DGKI: variants seen among roughly 807,000 people sequenced by gnomAD.
The protein encoded by DGKI is diacylglycerol kinase iota.
A neutral mutation model predicts 147.5 loss-of-function variants in DGKI; 55 were observed. The ratio of observed to expected loss-of-function variants is 0.37; its 90% confidence interval spans 0.30 to 0.47. The LOEUF (loss-of-function observed/expected upper bound fraction) is 0.47. Among genes scored for constraint, DGKI ranks in the 20% least tolerant of loss-of-function variants. The probability of loss-of-function intolerance (pLI) is 1.00; values close to 1 mark genes in which losing one functional copy is unlikely to be tolerated. For missense variants in DGKI, 1,007 were observed against 1,323.8 expected (o/e 0.76, Z 3.71); for synonymous variants, 469 against 477.1 (o/e 0.98, Z 0.22).
intron 28 of DGKI, among the ~76,000 whole-genome samples, chr7:137,429,673 C>T (rs1421547275): frequency 6.6e-6 from 1 of 150,828 alleles, no homozygotes; most frequent in Non-Finnish European, 1.5e-5. Flanking sequence ...GGGCTAATAT[C>T]CAGAATCTAC....
At chr7:137,815,871 T>C (rs1285015435) in intron 1 of DGKI, among the ~76,000 whole-genome samples, 1 of 152,232 alleles carries the variant, frequency 6.6e-6, no homozygotes, top group Non-Finnish European at 1.5e-5. Flanking sequence ...ATTTTCATTA[T>C]GGGTACCCTT....
intron 28 of DGKI, among the ~76,000 whole-genome samples, chr7:137,416,051 GA>G (rs1812348325): frequency 6.6e-6 from 1 of 151,998 alleles, no homozygotes; most frequent in African/African-American, 2.4e-5. Context: ...AGACTGTATT[GA>G]AACATTTCTC....
intron 21 of DGKI, among the ~76,000 whole-genome samples, chr7:137,494,204 C>A (rs1815878854): frequency 6.6e-6 from 1 of 151,998 alleles, no homozygotes; most frequent in Non-Finnish European, 1.5e-5. Context: ...TATCAGCATC[C>A]CTGAAAGAGA....
intron 1 of DGKI, among the ~76,000 whole-genome samples, chr7:137,778,436 T>A (rs528912453): frequency 1.5e-4 from 23 of 152,116 alleles, no homozygotes; most frequent in Non-Finnish European, 2.8e-4. Flanking sequence ...AATGGTTTGC[T>A]TGGGTTTGCT....
intron 1 of DGKI, among the ~76,000 whole-genome samples, chr7:137,838,061 GGCTTGATCTCA>G (rs1478712928): frequency 6.9e-6 from 1 of 145,154 alleles, no homozygotes; most frequent in Non-Finnish European, 1.5e-5. Flanking sequence ...GGAGTGCAGT[GGCTTGATCTCA>G]GCTCACTGCA....
Position 137,390,868 on chromosome 7 carries a change from G to A in DGKI, c.*352C>T. On this transcript the variant is annotated 3_prime_UTR_variant, in exon 33 of 33. Coordinates refer to ENST00000614521, the MANE Select transcript of DGKI (RefSeq NM_001321708.2). Reference sequence around the variant, plus strand: ...TACAGGGAAAAAAACCAATGCATAGGGGGAGGATGGAGCAGTGCCATTTAT... The same window carrying A: ...TACAGGGAAAAAAACCAATGCATAGAGGGAGGATGGAGCAGTGCCATTTAT... 1 of 254,912 alleles carries A rather than the reference G, an allele frequency of 3.9e-6. No individual in the cohort carries two copies. The highest frequency in any genetic ancestry group is 7.6e-6 in the Non-Finnish European group (1 of 131,540). 15.8% of individuals were successfully genotyped at this position (254,912 alleles called of 1,614,324 possible). A position where few individuals can be genotyped will look rare whatever the true frequency, so the allele number is the denominator to read the frequency against.
At chr7:137,800,135 T>C (rs532646185) in intron 1 of DGKI, among the ~76,000 whole-genome samples, 3 of 152,166 alleles carry the variant, frequency 2.0e-5, no homozygotes, top group East Asian at 3.9e-4. Flanking sequence ...CCCTATAGAA[T>C]ATGGCAAGGT....
chr7:137,446,510 G>C (rs1032169076), intron 27 of DGKI, among the ~76,000 whole-genome samples: 1 of 152,028 alleles, frequency 6.6e-6, no homozygotes, highest in Non-Finnish European at 1.5e-5. Context: ...TGGATCACCT[G>C]AGGTCAGGAT....
chr7:137,655,145 T>C (rs1009636762), intron 4 of DGKI, among the ~76,000 whole-genome samples: 4 of 151,776 alleles, frequency 2.6e-5, no homozygotes, highest in Non-Finnish European at 5.9e-5. Flanking sequence ...AAGTAGAAAA[T>C]ATAAACTTGA....
In DGKI at chr7:137,614,740, C is replaced by A. The variant is rs371848104; in HGVS notation, c.993+5084G>T. On this transcript the variant is annotated intron_variant, in intron 8 of 32. Transcript: ENST00000614521. ...CACAGAGCTGCCAATTCCACAGTTGCTCGTGGAGTAAAAATGAAATATGCG... is the reference window on the plus strand; with the variant it reads ...CACAGAGCTGCCAATTCCACAGTTGATCGTGGAGTAAAAATGAAATATGCG... Among the ~76,000 whole-genome samples the A allele has an allele frequency of 1.9e-4, 29 of 152,268 alleles. 1 individual carries two copies. In the South Asian group the frequency reaches 5.2e-3, roughly 27 times the overall value.
intron 3 of DGKI, among the ~76,000 whole-genome samples, chr7:137,659,716 A>AGGT (rs1317552428): frequency 2.1e-4 from 32 of 152,222 alleles, no homozygotes; most frequent in Non-Finnish European, 1.5e-5. Context: ...GCGGATCACA[A>AGGT]GGTCAGGAGA....
In DGKI at chr7:137,422,595, C is replaced by CTTTTTTTTTT. The variant is rs60494368; in HGVS notation, c.2762-10398_2762-10389dup. ...TTGTAAAGCATTTTCTTTTTCTTTT[C>CTTTTTTTTTT]TTTTTTTTTTTTTTTTTTTTTTTTT... On this transcript the variant is annotated intron_variant, in intron 28 of 32. Coordinates refer to ENST00000614521, the MANE Select transcript of DGKI (RefSeq NM_001321708.2). Among the ~76,000 whole-genome samples the CTTTTTTTTTT allele has an allele frequency of 4.2e-4, 26 of 62,002 alleles. 1 individual carries two copies. Among genetic ancestry groups the CTTTTTTTTTT allele is most frequent in the African/African-American group, 7.8e-4 (12 of 15,414 alleles). The allele number at this position is 62,002 out of a possible 152,430, so 40.7% of individuals were successfully genotyped here.
intron 1 of DGKI, among the ~76,000 whole-genome samples, chr7:137,747,347 G>A (rs1795369368): frequency 2.6e-5 from 4 of 152,160 alleles, no homozygotes; most frequent in Non-Finnish European, 4.4e-5. Context: ...CATTGTCAAG[G>A]CAGCAAGAGC....
intron 21 of DGKI, among the ~76,000 whole-genome samples, chr7:137,501,247 T>G (rs1378476308): frequency 6.6e-6 from 1 of 152,204 alleles, no homozygotes; most frequent in Admixed American, 6.5e-5. Flanking sequence ...ATATACCACA[T>G]TGTCTTTATC....
At chr7:137,414,760 T>C (rs968332737) in intron 28 of DGKI, among the ~76,000 whole-genome samples, 4 of 152,106 alleles carry the variant, frequency 2.6e-5, no homozygotes, top group African/African-American at 9.7e-5. Context: ...AAAAACACTG[T>C]TGTCAGGTTT....
At chr7:137,620,025 A>ACT (rs372423100) in intron 7 of DGKI, 85 bp from the exon 8 acceptor site, 2 of 665,718 alleles carry the variant, frequency 3.0e-6, no homozygotes, top group Non-Finnish European at 5.1e-6. Flanking sequence ...ACACGCACAC[A>ACT]CACACACACA....
chr7:137,517,300 AAAG>A (rs1816795233), intron 21 of DGKI, among the ~76,000 whole-genome samples: 1 of 136,486 alleles, frequency 7.3e-6, no homozygotes, highest in African/African-American at 2.9e-5. Context: ...AGAAAGAAAG[AAAG>A]AAAGAAAGAA....
At chr7:137,516,837 A>T (rs1816762373) in intron 21 of DGKI, among the ~76,000 whole-genome samples, 1 of 152,194 alleles carries the variant, frequency 6.6e-6, no homozygotes, top group East Asian at 1.9e-4. Context: ...TGCAAACTGG[A>T]AACAATTTAA....
At chr7:137,595,641 T>C (rs1390725908) in intron 12 of DGKI, among the ~76,000 whole-genome samples, 1 of 152,136 alleles carries the variant, frequency 6.6e-6, no homozygotes, top group Admixed American at 6.5e-5. Context: ...CAAATATTCA[T>C]CTAATTGCAG....
Sources: allele counts gnomAD v4.1 joint callset (sites outside exome capture counted in the v4.1 genomes callset), GRCh38; gene constraint gnomAD v4.1.1; transcripts MANE v1.5; gene names NCBI Gene and HGNC (gene_info 2026-07-23, HGNC 2026-07-21).